SMARCC1: variants seen among roughly 807,000 people sequenced by gnomAD.
The protein encoded by SMARCC1 is SWI/SNF complex subunit SMARCC1.
SMARCC1 carries 43 observed loss-of-function variants against 147.4 expected under a neutral mutation model. That is an observed-to-expected ratio of 0.29 (90% CI 0.23 to 0.38). The LOEUF (loss-of-function observed/expected upper bound fraction) is 0.38. Among genes scored for constraint, SMARCC1 ranks in the 10% least tolerant of loss-of-function variants. SMARCC1 has a pLI of 1.00. For missense variants in SMARCC1, 1,119 were observed against 1,381.1 expected (o/e 0.81, Z 3.01); for synonymous variants, 495 against 484.4 (o/e 1.02, Z -0.29).
At chr3:47,612,918 TG>T (rs1312041503) in intron 25 of SMARCC1, among the ~76,000 whole-genome samples, 1 of 152,246 alleles carries the variant, frequency 6.6e-6, no homozygotes, top group African/African-American at 2.4e-5. Flanking sequence ...CTGCGGCAGA[TG>T]CAGCAGAGCT....
intron 25 of SMARCC1, among the ~76,000 whole-genome samples, chr3:47,618,237 G>A (rs1429360055): frequency 6.6e-6 from 1 of 152,166 alleles, no homozygotes; most frequent in Non-Finnish European, 1.5e-5. Context: ...TGATTAGAAA[G>A]TAACATTTTT....
chr3:47,638,883 A>G, intron 21 of SMARCC1, 103 bp from the exon 22 acceptor site: 1 of 808,122 alleles, frequency 1.2e-6, no homozygotes, highest in Non-Finnish European at 2.2e-6. Context: ...ATACAGTAAT[A>G]CATAACGAAT....
intron 11 of SMARCC1, among the ~76,000 whole-genome samples, chr3:47,695,368 C>A (rs566524960): frequency 6.6e-6 from 1 of 152,118 alleles, no homozygotes; most frequent in African/African-American, 2.4e-5. Flanking sequence ...TGAAGTATAT[C>A]TCAATTAAAA....
intron 21 of SMARCC1, among the ~76,000 whole-genome samples, chr3:47,643,507 CATAAT>C (rs968962556): frequency 4.0e-5 from 6 of 150,732 alleles, no homozygotes; most frequent in African/African-American, 1.5e-4. Context: ...ATCTTAAAAA[CATAAT>C]ATGGAGTGAA....
chr3:47,672,927 C>T (rs1202891638), intron 18 of SMARCC1, among the ~76,000 whole-genome samples: 1 of 151,960 alleles, frequency 6.6e-6, no homozygotes, highest in Admixed American at 6.6e-5. Context: ...TACAGGCAGC[C>T]GCCACCATGT....
At chr3:47,671,298 T>C (rs1177116488) in intron 18 of SMARCC1, among the ~76,000 whole-genome samples, 1 of 151,750 alleles carries the variant, frequency 6.6e-6, no homozygotes, top group African/African-American at 2.4e-5. Context: ...CTTAACAGTA[T>C]CTTTGGCAAG....
chr3:47,758,970 T>C (rs2034738205), intron 2 of SMARCC1, among the ~76,000 whole-genome samples: 1 of 150,180 alleles, frequency 6.7e-6, no homozygotes, highest in African/African-American at 2.5e-5. Flanking sequence ...TGAGCTGAGA[T>C]CGCACCATTG....
chr3:47,666,050 A>G (rs2033416510), intron 19 of SMARCC1, among the ~76,000 whole-genome samples: 2 of 152,118 alleles, frequency 1.3e-5, no homozygotes, highest in South Asian at 4.1e-4. Context: ...GCCTAAAACT[A>G]TTTTATTATG....
intron 11 of SMARCC1, among the ~76,000 whole-genome samples, chr3:47,696,587 C>T (rs2033855479): frequency 6.6e-6 from 1 of 150,512 alleles, no homozygotes; most frequent in Admixed American, 6.6e-5. Flanking sequence ...GGTGCAATCT[C>T]GGCTCACTGC....
At chr3:47,690,920 G>A (rs929229515) in intron 12 of SMARCC1, among the ~76,000 whole-genome samples, 1 of 152,172 alleles carries the variant, frequency 6.6e-6, no homozygotes, top group Non-Finnish European at 1.5e-5. Flanking sequence ...CTAACAGAAA[G>A]AAATCTAGGT....
intron 2 of SMARCC1, among the ~76,000 whole-genome samples, chr3:47,765,554 T>C (rs1275687615): frequency 6.6e-6 from 1 of 152,108 alleles, no homozygotes; most frequent in Non-Finnish European, 1.5e-5. Flanking sequence ...TCCACTTTCA[T>C]CAGACAGAGT....
chr3:47,708,588 C>A (rs1298954869), intron 9 of SMARCC1, among the ~76,000 whole-genome samples: 1 of 151,770 alleles, frequency 6.6e-6, no homozygotes, highest in Non-Finnish European at 1.5e-5. Flanking sequence ...GACAAAAAAG[C>A]CTTGGATTAA....
intron 26 of SMARCC1, among the ~76,000 whole-genome samples, chr3:47,597,419 C>T (rs1376675068): frequency 9.2e-5 from 14 of 152,154 alleles, no homozygotes; most frequent in African/African-American, 4.8e-5. Context: ...CTCCGCCTCC[C>T]GGGTTCATGC....
intron 18 of SMARCC1, among the ~76,000 whole-genome samples, chr3:47,671,173 C>CAAAAAAAAAAAAAAAAAAAAAAA (rs775759680): frequency 2.4e-4 from 7 of 29,240 alleles, no homozygotes; most frequent in Admixed American, 5.1e-4. Flanking sequence ...GAGACTATCT[C>CAAAAAAAAAAAAAAAAAAAAAAA]AAAAAAAAAA....
intron 26 of SMARCC1, among the ~76,000 whole-genome samples, chr3:47,591,234 A>G (rs1307559586): frequency 1.3e-5 from 2 of 152,180 alleles, no homozygotes; most frequent in African/African-American, 4.8e-5. Context: ...GTCAGTAAGT[A>G]AAAGTCAGTA....
chr3:47,717,696 A>G lies in SMARCC1; in HGVS notation c.716+2970T>C, dbSNP rs1335390586. 2.6e-5 allele frequency among the ~76,000 whole-genome samples: 4 copies of G among 152,070 alleles called. No homozygotes were observed. In the South Asian group the frequency reaches 6.2e-4, roughly 24 times the overall value. ...CTCCTGCCTCAGCCCCATCCCAAGT[A>G]TCTGGGACTACAGGCACGTGTCATC... On this transcript the variant is annotated intron_variant, in intron 7 of 27. Transcript: ENST00000254480.
intron 1 of SMARCC1, among the ~76,000 whole-genome samples, chr3:47,779,394 A>G (rs1414632008): frequency 6.6e-6 from 1 of 152,148 alleles, no homozygotes; most frequent in Non-Finnish European, 1.5e-5. Context: ...TGTGTAGAAA[A>G]GAAGCAAAGA....
chr3:47,666,338 A>C (rs775365556), intron 19 of SMARCC1, among the ~76,000 whole-genome samples: 26 of 152,100 alleles, frequency 1.7e-4, no homozygotes, highest in Non-Finnish European at 3.5e-4. Context: ...ACATACCTCT[A>C]ATCATAAAGC....
intron 14 of SMARCC1, among the ~76,000 whole-genome samples, chr3:47,680,769 G>A (rs921483721): frequency 3.3e-5 from 5 of 151,614 alleles, no homozygotes; most frequent in Non-Finnish European, 4.4e-5. Flanking sequence ...GGATGGTCTC[G>A]ATCTCCTGAC....
Sources: gnomAD v4.1 joint callset for allele counts (sites outside exome capture counted in the v4.1 genomes callset) on GRCh38, gnomAD v4.1.1 for gene constraint, MANE v1.5 for transcripts, NCBI Gene and HGNC (gene_info 2026-07-23, HGNC 2026-07-21) for gene names.